The following DRC11 variants were observed in gnomAD, a reference collection of about 807,000 sequenced individuals.
DRC11 encodes dynein regulatory complex subunit 11.
At chr2:236,365,796 A>C in the DRC11 span, among the ~76,000 whole-genome samples, 1 of 152,180 alleles carries the variant, frequency 6.6e-6, no homozygotes, top group Non-Finnish European at 1.5e-5. This position sits in a 1 kb window ranked among gnomAD's most constrained non-coding sequence, Gnocchi z 7.4. Context: ...AAAGGTGGAC[A>C]GAGGGCCCAG....
At chr2:236,374,506 C>T in the DRC11 span, among the ~76,000 whole-genome samples, 1 of 152,076 alleles carries the variant, frequency 6.6e-6, no homozygotes, top group Non-Finnish European at 1.5e-5. Flanking sequence ...TTAATTGGCT[C>T]ACGGTTCCGC....
chr2:236,355,051 A>G, the DRC11 span, among the ~76,000 whole-genome samples: 2 of 151,898 alleles, frequency 1.3e-5, no homozygotes, highest in African/African-American at 4.8e-5. Context: ...GAAGTTTCCT[A>G]TGTGTCGGGG....
the DRC11 span, among the ~76,000 whole-genome samples, chr2:236,345,322 C>G: frequency 1.1e-4 from 16 of 152,170 alleles, no homozygotes; most frequent in African/African-American, 4.8e-5. Context: ...CCCCACCCCC[C>G]CCAACCGCTC....
At chr2:236,463,703 T>C in the DRC11 span, among the ~76,000 whole-genome samples, 1 of 152,238 alleles carries the variant, frequency 6.6e-6, no homozygotes, top group African/African-American at 2.4e-5. This position sits in a 1 kb window ranked among gnomAD's most constrained non-coding sequence, Gnocchi z 5.0. Context: ...TGATATGTAT[T>C]AGATATCTAT....
chr2:236,351,265 G>A, the DRC11 span, among the ~76,000 whole-genome samples: 2 of 152,184 alleles, frequency 1.3e-5, no homozygotes, highest in Non-Finnish European at 2.9e-5. This position sits in a 1 kb window ranked among gnomAD's most constrained non-coding sequence, Gnocchi z 7.3. Context: ...GGTGCTCCAA[G>A]GAAATCAGGG....
At chr2:236,389,978 A>G in the DRC11 span, among the ~76,000 whole-genome samples, 1 of 152,292 alleles carries the variant, frequency 6.6e-6, no homozygotes. Context: ...TGGGTACAAT[A>G]ACTGTTAGGA....
the DRC11 span, among the ~76,000 whole-genome samples, chr2:236,437,728 C>T: frequency 1.3e-5 from 2 of 152,116 alleles, no homozygotes; most frequent in East Asian, 1.9e-4. Context: ...TTTTTGGCTG[C>T]ATAAATGTCT....
the DRC11 span, among the ~76,000 whole-genome samples, chr2:236,359,896 A>C: frequency 6.6e-6 from 1 of 152,172 alleles, no homozygotes; most frequent in African/African-American, 2.4e-5. This position sits in a 1 kb window ranked among gnomAD's most constrained non-coding sequence, Gnocchi z 4.3. Flanking sequence ...GGTGTGTGTC[A>C]GGCACTCTGA....
At chr2:236,364,044 A>G in the DRC11 span, 3 of 1,423,934 alleles carry the variant, frequency 2.1e-6, no homozygotes, top group South Asian at 1.3e-5. Flanking sequence ...TTCAACTAGG[A>G]TAACTCAAGG....
chr2:236,442,757 G>A, the DRC11 span, among the ~76,000 whole-genome samples: 1 of 152,266 alleles, frequency 6.6e-6, no homozygotes, highest in Middle Eastern at 3.4e-3. Context: ...TAAGTCATGG[G>A]AACCTCTCCA....
chr2:236,368,247 G>C, the DRC11 span: 4 of 1,611,122 alleles, frequency 2.5e-6, no homozygotes, highest in Non-Finnish European at 2.5e-6. Context: ...CAGGAGGGAG[G>C]GCATGGGTTC....
chr2:236,334,746 G>A, the DRC11 span, among the ~76,000 whole-genome samples: 1 of 152,164 alleles, frequency 6.6e-6, no homozygotes, highest in South Asian at 2.1e-4. The surrounding 1 kb of genome is among the most constrained non-coding windows in gnomAD (Gnocchi z 7.8). Flanking sequence ...ATAATGTGAT[G>A]TGGGTGAGCT....
the DRC11 span, among the ~76,000 whole-genome samples, chr2:236,392,737 A>G: frequency 4.6e-5 from 7 of 152,294 alleles, no homozygotes; most frequent in East Asian, 7.7e-4. This position sits in a 1 kb window ranked among gnomAD's most constrained non-coding sequence, Gnocchi z 5.1. Context: ...TTTTCTTCAA[A>G]TGATTCACTA....
chr2:236,430,849 G>C, the DRC11 span, among the ~76,000 whole-genome samples: 12 of 152,206 alleles, frequency 7.9e-5, no homozygotes, highest in East Asian at 2.3e-3. The surrounding 1 kb of genome is among the most constrained non-coding windows in gnomAD (Gnocchi z 6.0). Flanking sequence ...CAGTTGCATG[G>C]GTGGAAAATG....
At chr2:236,316,155 C>G in the DRC11 span, among the ~76,000 whole-genome samples, 155 of 128,370 alleles carry the variant, frequency 1.2e-3, no homozygotes, top group Non-Finnish European at 1.9e-3. The surrounding 1 kb of genome is among the most constrained non-coding windows in gnomAD (Gnocchi z 6.8). Context: ...TTCTCTCTCT[C>G]TCTCTCTCTC....
At chr2:236,361,325 A>G in the DRC11 span, among the ~76,000 whole-genome samples, 1 of 152,228 alleles carries the variant, frequency 6.6e-6, no homozygotes, top group Non-Finnish European at 1.5e-5. This position sits in a 1 kb window ranked among gnomAD's most constrained non-coding sequence, Gnocchi z 5.7. Context: ...GAAGTTCTTC[A>G]GCTGAAAGGG....
chr2:236,472,495 T>G, the DRC11 span, among the ~76,000 whole-genome samples: 2 of 152,238 alleles, frequency 1.3e-5, no homozygotes, highest in African/African-American at 2.4e-5. The surrounding 1 kb of genome is among the most constrained non-coding windows in gnomAD (Gnocchi z 4.6). Flanking sequence ...TGCACATGTA[T>G]TTTACACAAC....
At chr2:236,466,896 C>T in the DRC11 span, among the ~76,000 whole-genome samples, 144 of 152,262 alleles carry the variant, frequency 9.5e-4, no homozygotes, top group African/African-American at 3.2e-3. Context: ...TTGAGTGTAA[C>T]TTTCAGAATG....
At chr2:236,332,172 A>G in the DRC11 span, 1 of 154,384 alleles carries the variant, frequency 6.5e-6, no homozygotes, top group Non-Finnish European at 1.4e-5. The surrounding 1 kb of genome is among the most constrained non-coding windows in gnomAD (Gnocchi z 5.1). Flanking sequence ...CCCCCTCAGC[A>G]ACTGTAAACA....
Sources: gnomAD v4.1 joint callset for allele counts (sites outside exome capture counted in the v4.1 genomes callset) on GRCh38, gnomAD v4.1.1 for gene constraint, Gnocchi (gnomAD v3.1) non-coding constraint, MANE v1.5 for transcripts, NCBI Gene and HGNC (gene_info 2026-07-23, HGNC 2026-07-21) for gene names.